The following GDAP2 variants were observed in gnomAD, a reference collection of about 807,000 sequenced individuals.
The protein encoded by GDAP2 is ganglioside induced differentiation associated protein 2.
GDAP2 carries 51 observed loss-of-function variants against 67.0 expected under a neutral mutation model. The observed-to-expected ratio is 0.76, with a 90% confidence interval of 0.61 to 0.96. The LOEUF (loss-of-function observed/expected upper bound fraction) is 0.96, where lower values mean the gene tolerates loss of function less well. Among genes scored for constraint, GDAP2 ranks in the 40% least tolerant of loss-of-function variants. GDAP2 has a pLI of 0.00. For synonymous variants in GDAP2, 203 were observed against 207.3 expected, an observed-to-expected ratio of 0.98 and a Z score of 0.18; for missense variants, 547 against 588.3, an observed-to-expected ratio of 0.93 and a Z score of 0.73.
intron 6 of GDAP2, among the ~76,000 whole-genome samples, chr1:117,905,554 A>C (rs1351264059): frequency 1.3e-5 from 2 of 152,030 alleles, no homozygotes; most frequent in African/African-American, 4.8e-5. Flanking sequence ...TCCTTCCCAC[A>C]CCTCCATTAA....
chr1:117,910,095 T>C (rs1051879136), intron 5 of GDAP2, among the ~76,000 whole-genome samples: 18 of 152,182 alleles, frequency 1.2e-4, no homozygotes, highest in South Asian at 6.2e-4. Flanking sequence ...ATTTAGAAGA[T>C]AGGCATGTAA....
intron 1 of GDAP2, among the ~76,000 whole-genome samples, chr1:117,925,018 T>G (rs535672490): frequency 1.3e-3 from 200 of 152,206 alleles, no homozygotes; most frequent in Non-Finnish European, 2.5e-3. Flanking sequence ...AGCTCTTAGC[T>G]ATAATCTAAA....
intron 8 of GDAP2, among the ~76,000 whole-genome samples, chr1:117,895,922 A>C (rs1649246880): frequency 6.6e-6 from 1 of 152,164 alleles, no homozygotes; most frequent in Non-Finnish European, 1.5e-5. Context: ...AGGGTATGAA[A>C]AAAGCATACA....
chr1:117,929,481 G>C lies in GDAP2; in HGVS notation c.-101C>G, dbSNP rs1271449979. On this transcript the variant is annotated 5_prime_UTR_variant, in exon 1 of 14. Transcript: ENST00000369443. ...GGTGGTCCCATCCGGGCGGCGGGCG[G>C]CACGGATCAGGCTCCTGGTAGAAGG... is the stretch of plus-strand genomic sequence containing the variant. 1 of 152,540 alleles carries C rather than the reference G, an allele frequency of 6.6e-6. No homozygotes were observed. Among genetic ancestry groups the C allele is most frequent in the Non-Finnish European group, 1.5e-5 (1 of 68,306 alleles). 9.4% of individuals were successfully genotyped at this position (152,540 alleles called of 1,614,324 possible).
chr1:117,917,037 A>G (rs1035737905), intron 3 of GDAP2, among the ~76,000 whole-genome samples: 2 of 144,632 alleles, frequency 1.4e-5, no homozygotes, highest in African/African-American at 5.0e-5. Context: ...CTGTCTCAGG[A>G]AAAAAAAAAA....
chr1:117,897,367 T>C (rs1649300314), intron 7 of GDAP2, among the ~76,000 whole-genome samples: 1 of 152,112 alleles, frequency 6.6e-6, no homozygotes, highest in Non-Finnish European at 1.5e-5. Context: ...TTTGGGAAGG[T>C]TTATATAGCA....
intron 11 of GDAP2, among the ~76,000 whole-genome samples, chr1:117,882,413 C>T (rs1648682102): frequency 6.6e-6 from 1 of 152,052 alleles, no homozygotes; most frequent in Admixed American, 6.6e-5. Flanking sequence ...TATTTTTGCC[C>T]TCCCAAAGTC....
intron 10 of GDAP2, among the ~76,000 whole-genome samples, chr1:117,885,212 C>T (rs556469572): frequency 1.3e-5 from 2 of 152,042 alleles, no homozygotes; most frequent in African/African-American, 2.4e-5. Flanking sequence ...TACCAGATTG[C>T]TGCTTCATCT....
intron 1 of GDAP2, among the ~76,000 whole-genome samples, chr1:117,922,347 G>C (rs1283922888): frequency 6.6e-6 from 1 of 152,168 alleles, no homozygotes; most frequent in African/African-American, 2.4e-5. Flanking sequence ...GCTAAGAAAG[G>C]AAGGTAAACC....
intron 13 of GDAP2, among the ~76,000 whole-genome samples, chr1:117,877,000 T>C (rs1408058798): frequency 6.6e-6 from 1 of 152,214 alleles, no homozygotes; most frequent in Non-Finnish European, 1.5e-5. Flanking sequence ...TAAGATCATT[T>C]TCTACTCCAG....
chr1:117,881,905 A>T (rs1287323419), intron 11 of GDAP2, 28 bp from the exon 12 acceptor site: 2 of 1,344,318 alleles, frequency 1.5e-6, no homozygotes, highest in Non-Finnish European at 2.1e-6. Context: ...TGACAAAAAA[A>T]ATCAGTATAA....
chr1:117,876,825 A>G (rs1439896312), intron 13 of GDAP2, among the ~76,000 whole-genome samples: 2 of 152,166 alleles, frequency 1.3e-5, no homozygotes, highest in Non-Finnish European at 2.9e-5. Flanking sequence ...CAAACACCCA[A>G]CTTATATATT....
At chr1:117,881,704 C>T in intron 12 of GDAP2, 119 bp downstream of exon 12, 1 of 687,758 alleles carries the variant, frequency 1.5e-6, no homozygotes, top group Non-Finnish European at 2.6e-6. Context: ...ACTTAGAAAC[C>T]AGGAAATTAG....
In GDAP2 at chr1:117,871,416, A is replaced by G. The variant is rs373922629; in HGVS notation, c.1447-800T>C. Among the ~76,000 whole-genome samples the G allele has an allele frequency of 9.8e-5, 15 of 152,356 alleles. 1 individual carries two copies. The highest frequency in any genetic ancestry group is 3.4e-4 in the African/African-American group (14 of 41,586). On this transcript the variant is annotated intron_variant, in intron 13 of 13. Coordinates refer to ENST00000369443, the MANE Select transcript of GDAP2 (RefSeq NM_017686.4). ...TAAGATTGCTTTCTCATTTTTAAGG[A>G]AAGTATTTCTTTGACAAAGAATTTG...
intron 2 of GDAP2, among the ~76,000 whole-genome samples, 159 bp downstream of exon 2, chr1:117,920,023 T>C (rs1482839534): frequency 6.6e-6 from 1 of 152,226 alleles, no homozygotes; most frequent in East Asian, 1.9e-4. Flanking sequence ...TATTGTATAC[T>C]TTAAATATGT....
At chr1:117,891,255 G>GT (rs1171508077) in intron 8 of GDAP2, among the ~76,000 whole-genome samples, 4 of 151,144 alleles carry the variant, frequency 2.6e-5, no homozygotes, top group African/African-American at 9.7e-5. Context: ...CTTGTTTTGC[G>GT]TGTCTCCTGG....
rs182566288 is a variant in GDAP2 at position 117,884,285 on chromosome 1, T to C, written c.1108-658A>G. Among the ~76,000 whole-genome samples the C allele has an allele frequency of 4.9e-4, 75 of 152,268 alleles. 1 individual carries two copies. Among genetic ancestry groups the C allele is most frequent in the Admixed American group, 1.4e-3 (21 of 15,296 alleles). ...CAAATTTAATGTGACCCAGATTGGT[T>C]ATAGAAATATTCCATTACAAAAATG... On this transcript the variant is annotated intron_variant, in intron 10 of 13. Coordinates refer to ENST00000369443, the MANE Select transcript of GDAP2 (RefSeq NM_017686.4).
At chr1:117,925,654 T>C (rs1250135195) in intron 1 of GDAP2, among the ~76,000 whole-genome samples, 1 of 152,210 alleles carries the variant, frequency 6.6e-6, no homozygotes, top group Non-Finnish European at 1.5e-5. Flanking sequence ...TATGGTTCGA[T>C]GTGAGAATTT....
chr1:117,883,713 A>G (rs1040832693), intron 10 of GDAP2, 86 bp from the exon 11 acceptor site: 4 of 903,462 alleles, frequency 4.4e-6, no homozygotes, highest in African/African-American at 3.4e-5. Flanking sequence ...AAACAAAACA[A>G]AATAGAAAAT....
Sources: allele counts gnomAD v4.1 joint callset (sites outside exome capture counted in the v4.1 genomes callset), GRCh38; gene constraint gnomAD v4.1.1; transcripts MANE v1.5; gene names NCBI Gene and HGNC (gene_info 2026-07-23, HGNC 2026-07-21).